PKP3: variants seen among roughly 807,000 people sequenced by gnomAD.
PKP3 encodes the protein plakophilin-3.
In PKP3, 66 loss-of-function variants were observed where a neutral mutation model predicts 76.5. The ratio of observed to expected loss-of-function variants is 0.86; its 90% CI spans 0.71 to 1.06. The LOEUF (loss-of-function observed/expected upper bound fraction) is 1.06. PKP3 is among the 50% of genes least tolerant of loss of function. The pLI, the probability that PKP3 is intolerant of heterozygous loss-of-function variation, is 0.00. For missense variants in PKP3, 1,338 were observed against 1,141.0 expected, an observed-to-expected ratio of 1.17 and a Z score of -2.49; for synonymous variants, 638 against 516.5, an observed-to-expected ratio of 1.24 and a Z score of -3.19.
In PKP3 at chr11:403,968, C is replaced by G. The variant is rs369940401; in HGVS notation, c.2103C>G (p.Ile701Met). ...CCACGAAGGTGGTGAGCCACCTGAT[C>G]GAGAAGCTGCCGGGCAGCGTGGGTG... ...EMSTKVVSHLIEKLPGSVGEK... is the reference protein window; with the variant it reads ...EMSTKVVSHLMEKLPGSVGEK... The change falls in exon 11 of 13, where the codon ATC becomes ATG. Residue 701 changes from isoleucine to methionine, a missense_variant. Ile to Met is a conservative substitution (Grantham distance 10, BLOSUM62 1). Coordinates refer to ENST00000331563, the MANE Select transcript of PKP3 (RefSeq NM_007183.4). The G allele has an allele frequency of 3.7e-6, 6 of 1,605,264 alleles. No homozygotes were observed. The highest frequency in any genetic ancestry group is 2.2e-5 in the East Asian group (1 of 44,734).
chr11:400,625 C>G lies in PKP3; in HGVS notation c.1657C>G (p.Arg553Gly). Residue 553 changes from arginine to glycine, a missense_variant, in exon 8 of 13, where the codon CGC (arginine) becomes GGC (glycine). Arg to Gly is a moderately radical substitution (Grantham distance 125, BLOSUM62 -2). Coordinates refer to ENST00000331563, the MANE Select transcript of PKP3 (RefSeq NM_007183.4). Reference protein sequence around the residue: ...PPSALQRLEGRGRRDLAGAPP... With the variant: ...PPSALQRLEGGGRRDLAGAPP... ...GTCCGCGCTGCAGCGGCTGGAGGGTCGCGGCCGCAGGGACCTGGCGGGGGC... is the reference window on the plus strand; with the variant it reads ...GTCCGCGCTGCAGCGGCTGGAGGGTGGCGGCCGCAGGGACCTGGCGGGGGC... The G allele has an allele frequency of 7.1e-7, 1 of 1,418,212 alleles. No individual in the cohort carries two copies. Among genetic ancestry groups the G allele is most frequent in the Non-Finnish European group, 9.1e-7 (1 of 1,095,094 alleles). The allele number at this position is 1,418,212 out of a possible 1,614,324, so 87.9% of individuals were successfully genotyped here. A position where few individuals can be genotyped will look rare whatever the true frequency, so the allele number is the denominator to read the frequency against.
rs774165081 is a variant in PKP3, at chr11:403,115, T to C, written c.1775T>C (p.Val592Ala). The C allele has an allele frequency of 6.5e-7, 1 of 1,547,202 alleles. No individual in the cohort carries two copies. Among genetic ancestry groups the C allele is most frequent in the Non-Finnish European group, 8.7e-7 (1 of 1,150,082 alleles). The change falls in exon 9 of 13, where the codon GTG (valine) becomes GCG (alanine). Residue 592 changes from valine to alanine, a missense_variant. Physicochemically the swap from Val to Ala is moderately conservative, Grantham distance 64. Coordinates refer to ENST00000331563, the MANE Select transcript of PKP3 (RefSeq NM_007183.4). The part of the protein sequence containing the change: ...LAADALTFAE[V>A]SKDPKGLEWL... ...GCCGATGCGCTCACCTTCGCGGAGG[T>C]GTCCAAGGACCCCAAGGGCCTCGAG...
chr11:399,066 C>T lies in PKP3; in HGVS notation c.1143C>T (p.Ala381=), dbSNP rs1209193282. The change falls in exon 5 of 13, where the codon GCC becomes GCT. Residue 381 remains alanine (A), a synonymous_variant. Transcript: ENST00000331563. ...CCAACCAGGAAGTGCAGCGCCATGCCACAGGTGCCATGCGCAACCTCATCT... is the reference window on the plus strand; with the variant it reads ...CCAACCAGGAAGTGCAGCGCCATGCTACAGGTGCCATGCGCAACCTCATCT... ...NHANQEVQRH[A]TGAMRNLIYD... The T allele has an allele frequency of 1.2e-6, 2 of 1,611,304 alleles. No homozygotes were observed. Among genetic ancestry groups the T allele is most frequent in the African/African-American group, 2.7e-5 (2 of 74,930 alleles).
In PKP3 at chr11:394,484, CG is replaced by C; in HGVS notation, c.196del (p.Ala66ProfsTer33). On this transcript the variant is annotated frameshift_variant, in exon 1 of 13. Transcript: ENST00000331563. LOFTEE classifies it high-confidence loss of function. ...LQLGQQPRHN[G>X]AAEPEPEAET... ...AGCTGGGACAGCAGCCGCGGCACAACGGGGCCGCTGAGCCCGAGCCTGAGGC... is the reference window on the plus strand; with the variant it reads ...AGCTGGGACAGCAGCCGCGGCACAACGGGCCGCTGAGCCCGAGCCTGAGGC... The C allele has an allele frequency of 2.8e-6, 4 of 1,422,982 alleles. No individual in the cohort carries two copies. The highest frequency in any genetic ancestry group is 3.7e-6 in the Non-Finnish European group (4 of 1,095,636). The allele number at this position is 1,422,982 out of a possible 1,614,324, so 88.1% of individuals were successfully genotyped here.
At position 397,134 on chromosome 11, in the gene PKP3, G is replaced by A. The variant is rs1324265684; in HGVS notation, c.633G>A (p.Arg211=). The part of the protein sequence containing the change: ...QLEPAATSTY[R]AFAYERQASS... ...AGCCCGCGGCCACCTCCACCTACAG[G>A]GCCTTTGCGTACGAGCGCCAGGCCA... The change falls in exon 3 of 13, where the codon AGG becomes AGA. Residue 211 remains arginine, a synonymous_variant. Transcript: ENST00000331563. 2 of 1,598,010 alleles carry A rather than the reference G, an allele frequency of 1.3e-6. No individual in the cohort carries two copies. Among genetic ancestry groups the A allele is most frequent in the Non-Finnish European group, 1.7e-6 (2 of 1,179,262 alleles).
chr11:398,227 C>T (rs371175529), intron 4 of PKP3, among the ~76,000 whole-genome samples: 56 of 74,352 alleles, frequency 7.5e-4, no homozygotes, highest in Admixed American at 1.3e-3. Flanking sequence ...CACACACCTG[C>T]GTCACCTCCC....
chr11:403,391 C>G (rs1375093136), intron 9 of PKP3, 128 bp downstream of exon 9: 2 of 896,070 alleles, frequency 2.2e-6, no homozygotes, highest in Non-Finnish European at 3.3e-6. Context: ...AGGTCAGCGT[C>G]CCGGTGGCGC....
In PKP3 at chr11:404,003, C is replaced by T. The variant is rs1208499298; in HGVS notation, c.2138C>T (p.Pro713Leu). The T allele has an allele frequency of 6.2e-7, 1 of 1,611,620 alleles. No homozygotes were observed. The highest frequency in any genetic ancestry group is 1.7e-5 in the Admixed American group (1 of 59,922). Residue 713 changes from proline (P) to leucine (L), a missense_variant, in exon 11 of 13, where the codon CCC becomes CTC. Transcript: ENST00000331563. This position sits in a 1 kb window ranked among gnomAD's most constrained non-coding sequence, Gnocchi z 4.2. ...KLPGSVGEKS[P>L]PAEVLVNIIA... The stretch of plus-strand genomic sequence containing the variant: ...CCGGGCAGCGTGGGTGAGAAGTCGC[C>T]CCCAGCCGAGGTGCTGGTCAACATC...
chr11:403,278 C>A lies in PKP3; in HGVS notation c.1923+15C>A. The A allele has an allele frequency of 1.3e-6, 2 of 1,557,364 alleles. No individual in the cohort carries two copies. Among genetic ancestry groups the A allele is most frequent in the Non-Finnish European group, 1.7e-6 (2 of 1,156,782 alleles). Reference sequence around the variant, plus strand: ...GCGACCGCAGGGTGGGGCACCCAACCCAGACCCGAGGGGGTCCCAGGGGTT... The same window carrying A: ...GCGACCGCAGGGTGGGGCACCCAACACAGACCCGAGGGGGTCCCAGGGGTT... On this transcript the variant is annotated intron_variant, in intron 9 of 12. Coordinates refer to ENST00000331563, the MANE Select transcript of PKP3 (RefSeq NM_007183.4).
chr11:397,529 G>A lies in PKP3; in HGVS notation c.945-10G>A. On this transcript the variant is annotated splice_polypyrimidine_tract_variant and intron_variant, in intron 3 of 12. Coordinates refer to ENST00000331563, the MANE Select transcript of PKP3 (RefSeq NM_007183.4). ...AAAGTTAGCCTGACCCCTGACCCCT[G>A]GCTCCGCAGTTTTGATGACATTGAC... The A allele has an allele frequency of 6.2e-7, 1 of 1,612,166 alleles. No homozygotes were observed. Among genetic ancestry groups the A allele is most frequent in the East Asian group, 2.2e-5 (1 of 44,888 alleles).
rs1348931022 is a variant in PKP3 at position 404,190 on chromosome 11, C to T, written c.2271-46C>T. On this transcript the variant is annotated intron_variant, in intron 11 of 12. Transcript: ENST00000331563. The surrounding 1 kb of genome is among the most constrained non-coding windows in gnomAD (Gnocchi z 4.2). ...TGGTCAGGGGTCCTCCCAGTCCACC[C>T]TGCTTTCTGGCTGTGTGTCCCCTCC... 1 of 1,609,004 alleles carries T rather than the reference C, an allele frequency of 6.2e-7. No homozygotes were observed. Among genetic ancestry groups the T allele is most frequent in the Non-Finnish European group, 8.5e-7 (1 of 1,176,922 alleles).
At chr11:397,798 C>G (rs1285030520) in intron 4 of PKP3, 136 bp downstream of exon 4, 57 of 819,644 alleles carry the variant, frequency 7.0e-5, no homozygotes, top group Middle Eastern at 3.6e-4. Context: ...CTGTCTGGAG[C>G]CCCCTCAGCA....
At chr11:397,857 C>T (rs1847076426) in intron 4 of PKP3, 195 bp downstream of exon 4, 2 of 595,082 alleles carry the variant, frequency 3.4e-6, no homozygotes, top group African/African-American at 3.7e-5. Flanking sequence ...TCACCTGCAT[C>T]ACCTCCGTAC....
At chr11:393,714 G>A (rs1252645276), upstream of PKP3, among the ~76,000 whole-genome samples, 1 of 152,022 alleles carries the variant, frequency 6.6e-6, no homozygotes, top group Non-Finnish European at 1.5e-5. Context: ...CCTGACTCCC[G>A]ACAGTGTCTC....
chr11:398,054 G>C (rs867952816), intron 4 of PKP3, among the ~76,000 whole-genome samples: 162 of 52,030 alleles, frequency 3.1e-3, no homozygotes, highest in South Asian at 5.1e-3. Context: ...GCACACACCT[G>C]CGTCACCTCC....
At chr11:394,546 G>A (rs1000899325) in intron 1 of PKP3, 22 bp downstream of exon 1, 13 of 1,358,196 alleles carry the variant, frequency 9.6e-6, no homozygotes, top group Admixed American at 3.9e-5. Flanking sequence ...GGACAGCGGC[G>A]GGGATGGCGG....
chr11:398,107 C>A (rs1301717088), intron 4 of PKP3, among the ~76,000 whole-genome samples: 1 of 77,228 alleles, frequency 1.3e-5, no homozygotes, highest in Non-Finnish European at 2.5e-5. Flanking sequence ...CCCCCGCACA[C>A]ACCTGTGTCA....
chr11:392,824 C>T (rs941606105), upstream of PKP3: 11 of 452,836 alleles, frequency 2.4e-5, no homozygotes, highest in African/African-American at 1.0e-4. Flanking sequence ...CGCTGACCTC[C>T]GACTCCTACT....
rs769045448 is a variant in PKP3, at chr11:396,643, G to A, written c.268G>A (p.Gly90Ser). The change falls in exon 2 of 13, where the codon GGC becomes AGC. Residue 90 changes from glycine to serine, a missense_variant. Physicochemically the swap from Gly to Ser is moderately conservative, Grantham distance 56. Coordinates refer to ENST00000331563, the MANE Select transcript of PKP3 (RefSeq NM_007183.4). ...GGGGCAGTACCACACCCTGCAGGCT[G>A]GCTTCAGCTCTCGCTCTCAGGGCCT... Reference protein sequence around the residue: ...SRGQYHTLQAGFSSRSQGLSG... With the variant: ...SRGQYHTLQASFSSRSQGLSG... The A allele has an allele frequency of 3.1e-6, 5 of 1,610,972 alleles. No individual in the cohort carries two copies. In the Admixed American group the frequency reaches 8.4e-5, roughly 27 times the overall value.
Sources: allele counts gnomAD v4.1 joint callset (sites outside exome capture counted in the v4.1 genomes callset), GRCh38; gene constraint gnomAD v4.1.1; non-coding constraint Gnocchi (gnomAD v3.1); transcripts MANE v1.5; gene names NCBI Gene and HGNC (gene_info 2026-07-23, HGNC 2026-07-21).